Variants in LETM1 observed in about 807,000 individuals in gnomAD.
The protein encoded by LETM1 is mitochondrial proton/calcium exchanger protein.
LETM1 carries 50 observed loss-of-function variants against 74.5 expected under a neutral mutation model. The ratio of observed to expected loss-of-function variants is 0.67; its 90% CI spans 0.53 to 0.85. The LOEUF is 0.85. LETM1 is among the 40% of genes least tolerant of loss of function. The pLI, the probability that LETM1 is intolerant of heterozygous loss-of-function variation, is 0.00. For missense variants in LETM1, 824 were observed against 967.8 expected (o/e 0.85, Z 1.97); for synonymous variants, 446 against 407.1 (o/e 1.10, Z -1.15).
intron 6 of LETM1, among the ~76,000 whole-genome samples, chr4:1,829,171 A>C (rs1201011256): frequency 8.5e-4 from 26 of 30,696 alleles, no homozygotes; most frequent in Admixed American, 3.3e-3. Flanking sequence ...AGGGGGGCTG[A>C]CCCCCCCCCC....
chr4:1,841,873 G>A, intron 2 of LETM1, 76 bp from the exon 3 acceptor site: 1 of 1,076,174 alleles, frequency 9.3e-7, no homozygotes. Context: ...AACACCAACA[G>A]CAGCAAAACC....
chr4:1,813,624 C>T lies in LETM1; in HGVS notation c.*800G>A, dbSNP rs1355155764. The T allele has an allele frequency of 2.0e-5, 3 of 152,438 alleles. No individual in the cohort carries two copies. The highest frequency in any genetic ancestry group is 2.0e-4 in the Admixed American group (3 of 15,290). 9.4% of individuals were successfully genotyped at this position (152,438 alleles called of 1,614,324 possible). A position where few individuals can be genotyped will look rare whatever the true frequency, so the allele number is the denominator to read the frequency against. ...CATGCTGCTGTGGGCGCACTGGACT[C>T]AAACCTCACATTAGAAGCTACAAAG... On this transcript the variant is annotated 3_prime_UTR_variant, in exon 14 of 14. Coordinates refer to ENST00000302787, the MANE Select transcript of LETM1 (RefSeq NM_012318.3).
intron 9 of LETM1, 193 bp from the exon 10 acceptor site, chr4:1,822,505 G>A: frequency 4.1e-6 from 2 of 486,908 alleles, no homozygotes; most frequent in Middle Eastern, 4.6e-4. Flanking sequence ...GCCCTCTCCA[G>A]AACAGGCTAG....
At chr4:1,818,164 GGGAA>G (rs1180698584) in intron 11 of LETM1, among the ~76,000 whole-genome samples, 1 of 152,162 alleles carries the variant, frequency 6.6e-6, no homozygotes, top group Non-Finnish European at 1.5e-5. Context: ...GGGGAGGGGA[GGGAA>G]GGAACAGGCT....
chr4:1,827,859 G>A (rs1391125810), intron 6 of LETM1, among the ~76,000 whole-genome samples: 5 of 148,746 alleles, frequency 3.4e-5, no homozygotes, highest in Admixed American at 6.6e-5. Flanking sequence ...TTCCCAGTAG[G>A]GGCGGCCGGG....
intron 2 of LETM1, among the ~76,000 whole-genome samples, chr4:1,845,470 T>C (rs1577326052): frequency 1.3e-5 from 2 of 152,272 alleles, no homozygotes; most frequent in South Asian, 2.1e-4. Context: ...GGTGTTTATA[T>C]TGTGTGACCA....
rs1448189730 is a variant in LETM1 at position 1,841,402 on chromosome 4, C to T, written c.539G>A (p.Arg180His). 1.9e-6 allele frequency: 3 copies of T among 1,614,108 alleles called. No homozygotes were observed. Among genetic ancestry groups the T allele is most frequent in the Admixed American group, 3.3e-5 (2 of 60,030 alleles). ...GCCGTTGAGGATGCGCCAGAGCATGCGTGCCGCGATCTTGGTGTCGATCCA... is the reference window on the plus strand; with the variant it reads ...GCCGTTGAGGATGCGCCAGAGCATGTGTGCCGCGATCTTGGTGTCGATCCA... The part of the protein sequence containing the change: ...LLWIDTKIAA[R>H]MLWRILNGHS... The change falls in exon 3 of 14, where the codon CGC becomes CAC. Residue 180 changes from arginine (R) to histidine (H), a missense_variant. Arg to His is a conservative substitution (Grantham distance 29). Coordinates refer to ENST00000302787, the MANE Select transcript of LETM1 (RefSeq NM_012318.3).
chr4:1,837,319 G>A (rs1228592170), intron 3 of LETM1, among the ~76,000 whole-genome samples: 1 of 152,112 alleles, frequency 6.6e-6, no homozygotes, highest in South Asian at 2.1e-4. Flanking sequence ...CCGACCCCGC[G>A]CTCATTGAGC....
At chr4:1,820,844 TG>T (rs1711750617) in intron 10 of LETM1, among the ~76,000 whole-genome samples, 2 of 152,198 alleles carry the variant, frequency 1.3e-5, no homozygotes, top group South Asian at 4.2e-4. Flanking sequence ...GCCAACATGG[TG>T]AAACCCCATC....
At chr4:1,853,128 C>G (rs1200828887) in intron 1 of LETM1, among the ~76,000 whole-genome samples, 1 of 152,166 alleles carries the variant, frequency 6.6e-6, no homozygotes, top group Non-Finnish European at 1.5e-5. Flanking sequence ...TTCTGCTCCT[C>G]CCCAAGTCCT....
intron 7 of LETM1, 56 bp downstream of exon 7, chr4:1,825,508 G>T: frequency 6.3e-7 from 1 of 1,579,024 alleles, no homozygotes; most frequent in Non-Finnish European, 8.7e-7. Context: ...GGCCTTTCGA[G>T]GCTGATGTTT....
chr4:1,821,538 A>G (rs1452484595), intron 10 of LETM1, among the ~76,000 whole-genome samples: 2 of 151,844 alleles, frequency 1.3e-5, no homozygotes, highest in Non-Finnish European at 2.9e-5. Flanking sequence ...AAAATACAAA[A>G]ATTTGCTGGG....
intron 7 of LETM1, among the ~76,000 whole-genome samples, chr4:1,824,245 A>G (rs1711901478): frequency 6.6e-6 from 1 of 152,176 alleles, no homozygotes. Context: ...TGCTTGAACC[A>G]GGGAGGCGGA....
At chr4:1,823,515 C>A in intron 8 of LETM1, 129 bp downstream of exon 8, 7 of 1,076,634 alleles carry the variant, frequency 6.5e-6, no homozygotes, top group Non-Finnish European at 7.8e-6. Flanking sequence ...GGGGCACTCG[C>A]GAGGGGGTGG....
intron 3 of LETM1, among the ~76,000 whole-genome samples, chr4:1,840,424 T>A (rs932100647): frequency 2.7e-5 from 4 of 150,502 alleles, no homozygotes; most frequent in Admixed American, 2.7e-4. Context: ...TCCCAGCACT[T>A]TGGGAGGCCG....
chr4:1,823,699 G>T lies in LETM1; in HGVS notation c.1277C>A (p.Thr426Asn). Residue 426 changes from threonine (T) to asparagine (N), a missense_variant, in exon 8 of 14, where the codon ACC (threonine) becomes AAC (asparagine). Coordinates refer to ENST00000302787, the MANE Select transcript of LETM1 (RefSeq NM_012318.3). ...CTTGAGCTGGTCGGCTGGAGAGAGG[G>T]TGTCCGGGAGGTACATGGCCCGGGA... ...ILSRAMYLPDTLSPADQLKST... is the reference protein window; with the variant it reads ...ILSRAMYLPDNLSPADQLKST... 1.2e-6 allele frequency: 2 copies of T among 1,613,996 alleles called. No individual in the cohort carries two copies. The highest frequency in any genetic ancestry group is 1.7e-6 in the Non-Finnish European group (2 of 1,179,960).
At chr4:1,853,509 A>C (rs760153838) in intron 1 of LETM1, among the ~76,000 whole-genome samples, 2 of 152,182 alleles carry the variant, frequency 1.3e-5, no homozygotes, top group Non-Finnish European at 2.9e-5. Flanking sequence ...TTATGAGGAA[A>C]CATCAAGAAA....
intron 10 of LETM1, among the ~76,000 whole-genome samples, chr4:1,819,789 G>A (rs1296361045): frequency 1.3e-5 from 2 of 152,122 alleles, no homozygotes; most frequent in Non-Finnish European, 2.9e-5. Context: ...ACTGGGTCCC[G>A]CCACCGACCC....
intron 3 of LETM1, among the ~76,000 whole-genome samples, chr4:1,838,185 T>C (rs1478063479): frequency 1.3e-5 from 2 of 151,772 alleles, no homozygotes; most frequent in African/African-American, 2.4e-5. Flanking sequence ...CTGCAACCTC[T>C]GCCTCCCGAG....
Sources: allele counts gnomAD v4.1 joint callset (sites outside exome capture counted in the v4.1 genomes callset), GRCh38; gene constraint gnomAD v4.1.1; transcripts MANE v1.5; gene names NCBI Gene and HGNC (gene_info 2026-07-23, HGNC 2026-07-21).